The following MACROD2 variants were observed in gnomAD, a reference collection of about 807,000 sequenced individuals.
MACROD2 encodes the protein ADP-ribose glycohydrolase MACROD2.
A neutral mutation model predicts 70.4 loss-of-function variants in MACROD2; 36 were observed. That is an observed-to-expected ratio of 0.51 (90% CI 0.39 to 0.68). MACROD2 has a LOEUF of 0.68. Among genes scored for constraint, MACROD2 ranks in the 30% least tolerant of loss-of-function variants. The pLI is 0.00. For synonymous variants in MACROD2, 172 were observed against 178.8 expected (o/e 0.96, Z 0.30); for missense variants, 496 against 538.4 (o/e 0.92, Z 0.78).
At chr20:15,239,161 C>T (rs1007681210) in intron 6 of MACROD2, among the ~76,000 whole-genome samples, 1 of 147,458 alleles carries the variant, frequency 6.8e-6, no homozygotes, top group African/African-American at 2.5e-5. Flanking sequence ...TTAAACCAAA[C>T]ATTTTTTCTT....
rs564870214 is a variant in MACROD2, at chr20:15,597,073, G to A, written c.645+97226G>A. 2.6e-5 allele frequency among the ~76,000 whole-genome samples: 4 copies of A among 152,278 alleles called. No individual in the cohort carries two copies. The South Asian group carries it at 8.3e-4, about 32-fold the overall frequency. On this transcript the variant is annotated intron_variant, in intron 8 of 17. Coordinates refer to ENST00000684519, the MANE Select transcript of MACROD2 (RefSeq NM_001351661.2). ...CATACTGTTAGTCTGAAAGGATTGTGGAAAGTTGTTTTTATGTTTTTATTT... is the reference window on the plus strand; with the variant it reads ...CATACTGTTAGTCTGAAAGGATTGTAGAAAGTTGTTTTTATGTTTTTATTT...
chr20:16,005,849 C>T (rs546097040), intron 15 of MACROD2, among the ~76,000 whole-genome samples: 5 of 152,296 alleles, frequency 3.3e-5, no homozygotes, highest in African/African-American at 1.2e-4. Context: ...CTGTACCTTT[C>T]CACTCTGGCT....
chr20:14,885,315 A>G (rs2122483886), intron 5 of MACROD2, among the ~76,000 whole-genome samples: 1 of 152,242 alleles, frequency 6.6e-6, no homozygotes, highest in Non-Finnish European at 1.5e-5. Flanking sequence ...TATTGCATAT[A>G]ATTAATAATT....
chr20:14,890,744 C>A (rs2073744866), intron 5 of MACROD2, among the ~76,000 whole-genome samples: 1 of 146,290 alleles, frequency 6.8e-6, no homozygotes, highest in African/African-American at 2.5e-5. Context: ...AAAATAAGGC[C>A]CTGTCCAAAA....
chr20:14,057,145 A>G (rs2053639552), intron 2 of MACROD2, among the ~76,000 whole-genome samples: 1 of 152,194 alleles, frequency 6.6e-6, no homozygotes, highest in South Asian at 2.1e-4. Context: ...AAGCCCCTAG[A>G]GGACAGTATA....
At chr20:14,090,496 C>T (rs2054133464) in intron 3 of MACROD2, among the ~76,000 whole-genome samples, 1 of 151,660 alleles carries the variant, frequency 6.6e-6, no homozygotes, top group African/African-American at 2.4e-5. Context: ...TCGCTTGAAC[C>T]CGGGAGGTGG....
intron 5 of MACROD2, among the ~76,000 whole-genome samples, chr20:15,117,466 C>G (rs955720121): frequency 1.3e-5 from 2 of 151,998 alleles, no homozygotes; most frequent in Non-Finnish European, 2.9e-5. Flanking sequence ...TACATACATT[C>G]TAGAGTAGAT....
At chr20:15,079,170 T>C (rs1361921407) in intron 5 of MACROD2, among the ~76,000 whole-genome samples, 1 of 150,536 alleles carries the variant, frequency 6.6e-6, no homozygotes, top group Non-Finnish European at 1.5e-5. Flanking sequence ...TGTTTACTTG[T>C]ATGTCCTCAG....
intron 3 of MACROD2, among the ~76,000 whole-genome samples, chr20:14,174,261 C>G (rs1380414579): frequency 6.6e-6 from 1 of 152,018 alleles, no homozygotes; most frequent in African/African-American, 2.4e-5. Context: ...CTTTGGCTAC[C>G]AGGGCTGGTA....
chr20:15,575,081 T>C (rs1365746090), intron 8 of MACROD2, among the ~76,000 whole-genome samples: 4 of 152,184 alleles, frequency 2.6e-5, no homozygotes, highest in Non-Finnish European at 5.9e-5. Flanking sequence ...AAAAGAAAGG[T>C]AGCCATTCTC....
intron 3 of MACROD2, among the ~76,000 whole-genome samples, chr20:14,239,343 T>C (rs1452542170): frequency 6.6e-6 from 1 of 152,208 alleles, no homozygotes; most frequent in Non-Finnish European, 1.5e-5. Context: ...AAGTTACCAA[T>C]GACATTCTTC....
intron 3 of MACROD2, among the ~76,000 whole-genome samples, chr20:14,255,857 T>C (rs1425369712): frequency 1.3e-5 from 2 of 151,940 alleles, no homozygotes; most frequent in Admixed American, 1.3e-4. Flanking sequence ...TTTAAAACAT[T>C]TTTTGTCTTT....
intron 8 of MACROD2, among the ~76,000 whole-genome samples, chr20:15,777,851 GCC>G (rs2051759207): frequency 6.6e-6 from 1 of 152,086 alleles, no homozygotes; most frequent in South Asian, 2.1e-4. Flanking sequence ...CACCATGCTG[GCC>G]AGGCTGGTTC....
At chr20:15,518,207 A>T (rs1052097393) in intron 8 of MACROD2, among the ~76,000 whole-genome samples, 1 of 152,248 alleles carries the variant, frequency 6.6e-6, no homozygotes, top group Non-Finnish European at 1.5e-5. Flanking sequence ...AGCTGAGATG[A>T]TAGTGGTCAA....
intron 5 of MACROD2, among the ~76,000 whole-genome samples, chr20:14,778,971 T>G (rs1165533496): frequency 1.3e-5 from 2 of 152,132 alleles, no homozygotes; most frequent in Non-Finnish European, 2.9e-5. Context: ...CAGTCCTCTT[T>G]GCTTTTTTAA....
Position 14,824,145 on chromosome 20 carries a change from A to G in MACROD2, c.418+139186A>G, listed in dbSNP as rs141501626. 5.3e-5 allele frequency among the ~76,000 whole-genome samples: 8 copies of G among 152,262 alleles called. No individual in the cohort carries two copies. In the East Asian group the frequency reaches 9.6e-4, roughly 18 times the overall value. ...GACTTTATTTATTCAGAATATCTCT[A>G]AGAAAGAGAGAGGGTTGTATATTTG... is the stretch of plus-strand genomic sequence containing the variant. On this transcript the variant is annotated intron_variant, in intron 5 of 17. Transcript: ENST00000684519.
chr20:14,797,805 C>T (rs2072528492), intron 5 of MACROD2, among the ~76,000 whole-genome samples: 1 of 151,962 alleles, frequency 6.6e-6, no homozygotes, highest in African/African-American at 2.4e-5. Flanking sequence ...TTTACTTGAC[C>T]TTTGTATTCC....
chr20:15,954,687 T>A (rs73105404), intron 12 of MACROD2, among the ~76,000 whole-genome samples: 4,388 of 152,254 alleles, frequency 0.029, 78 homozygotes, highest in Non-Finnish European at 0.047. Context: ...TTATGCAATA[T>A]TAAAAAGAAA....
At chr20:15,176,679 C>A (rs2076464785) in intron 5 of MACROD2, among the ~76,000 whole-genome samples, 2 of 152,148 alleles carry the variant, frequency 1.3e-5, no homozygotes, top group Non-Finnish European at 1.5e-5. Context: ...GTCCATCTAT[C>A]TCATTCTTCC....
Sources: allele counts gnomAD v4.1 joint callset (sites outside exome capture counted in the v4.1 genomes callset), GRCh38; gene constraint gnomAD v4.1.1; transcripts MANE v1.5; gene names NCBI Gene and HGNC (gene_info 2026-07-23, HGNC 2026-07-21).